BNC2: variants seen among roughly 807,000 people sequenced by gnomAD.
The protein encoded by BNC2 is zinc finger protein basonuclin-2.
BNC2 carries 20 observed loss-of-function variants against 76.3 expected under a neutral mutation model. The observed-to-expected ratio is 0.26, with a 90% CI of 0.18 to 0.38. The LOEUF (loss-of-function observed/expected upper bound fraction) is 0.38, where lower values mean the gene tolerates loss of function less well. BNC2 is among the 10% of genes least tolerant of loss of function. The probability of loss-of-function intolerance (pLI) is 1.00; values close to 1 mark genes in which losing one functional copy is unlikely to be tolerated. For missense variants in BNC2, 1,382 were observed against 1,399.8 expected (o/e 0.99, Z 0.20); for synonymous variants, 582 against 514.8 (o/e 1.13, Z -1.77).
intron 5 of BNC2, among the ~76,000 whole-genome samples, chr9:16,449,338 T>A (rs1256689296): frequency 6.6e-6 from 1 of 152,212 alleles, no homozygotes; most frequent in African/African-American, 2.4e-5. Context: ...CTGCATATTT[T>A]CTATCCAGGC....
chr9:16,473,828 GT>G (rs969648766), intron 5 of BNC2, among the ~76,000 whole-genome samples: 5 of 152,124 alleles, frequency 3.3e-5, no homozygotes, highest in Admixed American at 1.3e-4. Flanking sequence ...AGCCGAGATT[GT>G]GCCACTGCAC....
chr9:16,708,743 G>C (rs1259574560), intron 3 of BNC2, among the ~76,000 whole-genome samples: 10 of 151,856 alleles, frequency 6.6e-5, no homozygotes, highest in Non-Finnish European at 1.3e-4. Flanking sequence ...AAAAGAAAAG[G>C]AAGACCGAAG....
chr9:16,865,309 C>T (rs988622322), intron 1 of BNC2, among the ~76,000 whole-genome samples: 3 of 151,922 alleles, frequency 2.0e-5, no homozygotes, highest in African/African-American at 7.3e-5. Context: ...TCACATTCTG[C>T]CTTCCTTATG....
At chr9:16,743,285 C>A (rs746896369) in intron 1 of BNC2, among the ~76,000 whole-genome samples, 1 of 152,128 alleles carries the variant, frequency 6.6e-6, no homozygotes, top group Non-Finnish European at 1.5e-5. Context: ...ATTTATTAAT[C>A]TAAGGTTTAG....
At chr9:16,461,436 T>C (rs1288560001) in intron 5 of BNC2, among the ~76,000 whole-genome samples, 1 of 152,210 alleles carries the variant, frequency 6.6e-6, no homozygotes, top group Non-Finnish European at 1.5e-5. Context: ...AAGAGGCAAA[T>C]ATCTTTAAAA....
chr9:16,495,491 A>G (rs763671795), intron 5 of BNC2, among the ~76,000 whole-genome samples: 10 of 152,152 alleles, frequency 6.6e-5, no homozygotes, highest in Non-Finnish European at 8.8e-5. Flanking sequence ...GCCTGTAAAC[A>G]GTGCTTGCGT....
intron 4 of BNC2, among the ~76,000 whole-genome samples, chr9:16,559,326 T>C (rs953786303): frequency 2.0e-5 from 3 of 152,212 alleles, no homozygotes; most frequent in African/African-American, 4.8e-5. Context: ...GTGTATTTTA[T>C]GTGTGGCCCA....
chr9:16,620,387 C>A (rs141878337), intron 3 of BNC2, among the ~76,000 whole-genome samples: 13 of 152,286 alleles, frequency 8.5e-5, no homozygotes, highest in African/African-American at 2.9e-4. Flanking sequence ...TTGCTCGGAG[C>A]TTTTACTGGC....
chr9:16,807,071 G>T lies in BNC2; in HGVS notation c.3+63575C>A, dbSNP rs570941213. On this transcript the variant is annotated intron_variant, in intron 1 of 6. Coordinates refer to ENST00000380672, the MANE Select transcript of BNC2 (RefSeq NM_017637.6). ...ATTATACTTTCTTGACTAATATCAT[G>T]ATTATTATCTATGACTAACAATTTC... is the stretch of plus-strand genomic sequence containing the variant. 2.6e-5 allele frequency among the ~76,000 whole-genome samples: 4 copies of T among 152,172 alleles called. No homozygotes were observed. In the East Asian group the frequency reaches 7.7e-4, roughly 29 times the overall value.
intron 5 of BNC2, among the ~76,000 whole-genome samples, chr9:16,452,191 T>C (rs1821354409): frequency 6.6e-6 from 1 of 152,204 alleles, no homozygotes; most frequent in South Asian, 2.1e-4. Context: ...TTCATTGTTT[T>C]TTCCCCTGCA....
At position 16,859,311 on chromosome 9, in the gene BNC2, G is replaced by C. The variant is rs115685302; in HGVS notation, c.3+11335C>G. Among the ~76,000 whole-genome samples the C allele has an allele frequency of 6.1e-3, 935 of 152,212 alleles. 9 individuals are homozygous for C. Among genetic ancestry groups the C allele is most frequent in the African/African-American group, 0.022 (895 of 41,552 alleles). On this transcript the variant is annotated intron_variant, in intron 1 of 6. Transcript: ENST00000380672. The stretch of plus-strand genomic sequence containing the variant: ...GTATGGAGGTTCCTCAAAAAATTAA[G>C]AACTACTGTATGATCCAGCTATCCC...
intron 5 of BNC2, among the ~76,000 whole-genome samples, chr9:16,534,524 A>T (rs563684540): frequency 6.6e-6 from 1 of 152,242 alleles, no homozygotes; most frequent in African/African-American, 2.4e-5. Context: ...ATGTACCCTG[A>T]TCTTAATTTA....
chr9:16,415,662 C>G lies in BNC2; in HGVS notation c.*3327G>C, dbSNP rs1820570907. 6.6e-6 allele frequency: 1 copy of G among 152,156 alleles called. No individual in the cohort carries two copies. The highest frequency in any genetic ancestry group is 1.5e-5 in the Non-Finnish European group (1 of 68,016). The allele number at this position is 152,156 out of a possible 1,614,324, so 9.4% of individuals were successfully genotyped here. A position where few individuals can be genotyped will look rare whatever the true frequency, so the allele number is the denominator to read the frequency against. ...TGGGATCACCATCTTAACTAGAATT[C>G]TAGTTAAGTCAAAACAAGACACTCA... On this transcript the variant is annotated 3_prime_UTR_variant, in exon 7 of 7. Transcript: ENST00000380672.
chr9:16,811,779 G>C (rs1262071750), intron 1 of BNC2, among the ~76,000 whole-genome samples: 1 of 152,134 alleles, frequency 6.6e-6, no homozygotes, highest in African/African-American at 2.4e-5. Flanking sequence ...AGGAAAAGAA[G>C]AGCCCCTAGT....
chr9:16,740,495 T>G (rs1824812586), intron 1 of BNC2, among the ~76,000 whole-genome samples: 1 of 152,156 alleles, frequency 6.6e-6, no homozygotes, highest in African/African-American at 2.4e-5. Context: ...GTCATAAGAG[T>G]GAATGTCTTT....
intron 1 of BNC2, among the ~76,000 whole-genome samples, chr9:16,792,475 C>T (rs763486693): frequency 9.9e-5 from 15 of 152,172 alleles, no homozygotes; most frequent in Non-Finnish European, 1.9e-4. Context: ...ATTCAAAGAT[C>T]ATTGCCAGTT....
At chr9:16,734,828 T>C (rs1010669137) in intron 2 of BNC2, among the ~76,000 whole-genome samples, 12 of 152,344 alleles carry the variant, frequency 7.9e-5, no homozygotes, top group Non-Finnish European at 1.5e-4. Flanking sequence ...ATAGGCCTTC[T>C]AACTTAAGGT....
intron 3 of BNC2, among the ~76,000 whole-genome samples, chr9:16,712,048 T>G (rs963967006): frequency 6.6e-6 from 1 of 152,210 alleles, no homozygotes; most frequent in African/African-American, 2.4e-5. Flanking sequence ...GCACTTTGGA[T>G]CATTACTCAG....
intron 1 of BNC2, among the ~76,000 whole-genome samples, chr9:16,789,766 C>G (rs1817448090): frequency 1.3e-5 from 2 of 152,194 alleles, no homozygotes; most frequent in African/African-American, 4.8e-5. Context: ...GATCCAAATT[C>G]TCTGAGAAAC....
Sources: gnomAD v4.1 joint callset for allele counts (sites outside exome capture counted in the v4.1 genomes callset) on GRCh38, gnomAD v4.1.1 for gene constraint, MANE v1.5 for transcripts, NCBI Gene and HGNC (gene_info 2026-07-23, HGNC 2026-07-21) for gene names.